KIF3B: variants seen among roughly 807,000 people sequenced by gnomAD.
The protein encoded by KIF3B is kinesin family member 3B, also known as kinesin-like protein KIF3B.
KIF3B carries 38 observed loss-of-function variants against 74.3 expected under a neutral mutation model. That is an observed-to-expected ratio of 0.51 (90% CI 0.39 to 0.67). The LOEUF (loss-of-function observed/expected upper bound fraction) is 0.67. Among genes scored for constraint, KIF3B ranks in the 30% least tolerant of loss-of-function variants. The probability of loss-of-function intolerance (pLI) is 0.00; values close to 1 mark genes in which losing one functional copy is unlikely to be tolerated. For missense variants in KIF3B, 649 were observed against 932.0 expected, an observed-to-expected ratio of 0.70 and a Z score of 3.95; for synonymous variants, 326 against 342.5, an observed-to-expected ratio of 0.95 and a Z score of 0.53.
chr20:32,283,077 C>G (rs1226670615), intron 1 of KIF3B, among the ~76,000 whole-genome samples: 1 of 151,998 alleles, frequency 6.6e-6, no homozygotes, highest in Non-Finnish European at 1.5e-5. Context: ...CCTCTGTCAC[C>G]CAGGTTGGAA....
At position 32,308,961 on chromosome 20, in the gene KIF3B, C is replaced by T. The variant is rs528388970; in HGVS notation, c.-65-752C>T. On this transcript the variant is annotated intron_variant, in intron 1 of 8. Transcript: ENST00000375712. Reference sequence around the variant, plus strand: ...CGATCTCCTGACCTCGTGATCCACCCGCCTCGGCCTCCCAAAGTGCTGGGA... The same window carrying T: ...CGATCTCCTGACCTCGTGATCCACCTGCCTCGGCCTCCCAAAGTGCTGGGA... Among the ~76,000 whole-genome samples, 9 of 151,900 alleles carry T rather than the reference C, an allele frequency of 5.9e-5. No individual in the cohort carries two copies. The South Asian group carries it at 6.2e-4, about 11-fold the overall frequency.
At chr20:32,305,567 C>A (rs1468655051) in intron 1 of KIF3B, among the ~76,000 whole-genome samples, 3 of 147,228 alleles carry the variant, frequency 2.0e-5, no homozygotes, top group Non-Finnish European at 4.5e-5. Context: ...AACACTCCCC[C>A]ACCTTTTTTT....
At chr20:32,292,490 C>T (rs1401451702) in intron 1 of KIF3B, among the ~76,000 whole-genome samples, 1 of 149,414 alleles carries the variant, frequency 6.7e-6, no homozygotes, top group African/African-American at 2.5e-5. Context: ...GTAATCCTAG[C>T]ACTTTGGGAG....
intron 1 of KIF3B, among the ~76,000 whole-genome samples, chr20:32,280,672 G>A (rs1190672654): frequency 2.3e-5 from 3 of 128,122 alleles, no homozygotes; most frequent in South Asian, 2.4e-4. Flanking sequence ...CCAAGATTGC[G>A]CCACTGCACT....
At chr20:32,281,608 T>G (rs2047643259) in intron 1 of KIF3B, among the ~76,000 whole-genome samples, 1 of 152,116 alleles carries the variant, frequency 6.6e-6, no homozygotes, top group Non-Finnish European at 1.5e-5. Flanking sequence ...TCCCAGCTAT[T>G]CAGGAGGCTG....
intron 5 of KIF3B, among the ~76,000 whole-genome samples, chr20:32,323,333 A>G (rs1319407260): frequency 6.6e-6 from 1 of 150,706 alleles, no homozygotes; most frequent in East Asian, 1.9e-4. Flanking sequence ...TTAGGACTAC[A>G]TGTTACATTT....
intron 1 of KIF3B, among the ~76,000 whole-genome samples, chr20:32,279,833 G>A (rs1053424378): frequency 2.6e-5 from 4 of 152,198 alleles, no homozygotes; most frequent in Non-Finnish European, 5.9e-5. Context: ...GAGGGGACTA[G>A]GCTAGATTAT....
intron 2 of KIF3B, 101 bp downstream of exon 2, chr20:32,311,282 C>T: frequency 3.0e-6 from 4 of 1,331,918 alleles, no homozygotes; most frequent in South Asian, 3.2e-5. Context: ...TGATGTCTCT[C>T]ATCAGTTTTG....
intron 8 of KIF3B, 94 bp downstream of exon 8, chr20:32,330,413 G>A: frequency 2.7e-6 from 3 of 1,105,980 alleles, no homozygotes; most frequent in Non-Finnish European, 2.6e-6. Flanking sequence ...ATACTTTGCA[G>A]AACACACTAG....
chr20:32,329,223 A>G (rs1479158655), intron 7 of KIF3B, among the ~76,000 whole-genome samples: 1 of 152,082 alleles, frequency 6.6e-6, no homozygotes, highest in Non-Finnish European at 1.5e-5. Flanking sequence ...TTGTATATTT[A>G]GTAGAGACGG....
At chr20:32,330,067 G>C in intron 7 of KIF3B, 74 bp from the exon 8 acceptor site, 1 of 1,337,396 alleles carries the variant, frequency 7.5e-7, no homozygotes, top group Non-Finnish European at 1.0e-6. Flanking sequence ...TATTCTTGGA[G>C]GGGCCCTCGA....
At chr20:32,318,126 AC>A (rs1289631115) in intron 5 of KIF3B, among the ~76,000 whole-genome samples, 1 of 151,980 alleles carries the variant, frequency 6.6e-6, no homozygotes, top group Admixed American at 6.6e-5. Flanking sequence ...ACATGGTGAA[AC>A]CCCGTCTCTA....
At chr20:32,304,687 G>C (rs762605333) in intron 1 of KIF3B, among the ~76,000 whole-genome samples, 22 of 152,158 alleles carry the variant, frequency 1.4e-4, no homozygotes, top group Middle Eastern at 3.2e-3. Flanking sequence ...TGTGTAAAAA[G>C]GGAGAGGATA....
chr20:32,296,118 C>A (rs1162135468), intron 1 of KIF3B, among the ~76,000 whole-genome samples: 1 of 151,836 alleles, frequency 6.6e-6, no homozygotes, highest in Admixed American at 6.6e-5. Context: ...CCGCCTCGGC[C>A]TCCCAAAGTG....
At chr20:32,326,659 G>GT (rs1205129437) in intron 5 of KIF3B, 112 bp from the exon 6 acceptor site, 12 of 635,536 alleles carry the variant, frequency 1.9e-5, no homozygotes, top group Non-Finnish European at 3.4e-5. Flanking sequence ...CTGAGTAAAT[G>GT]TTTGCTATGT....
Position 32,331,269 on chromosome 20 carries a change from A to T in KIF3B, c.2194A>T (p.Thr732Ser). The change falls in exon 9 of 9, where the codon ACC becomes TCC. Residue 732 changes from threonine (T) to serine (S), a missense_variant. Thr to Ser is a moderately conservative substitution (Grantham distance 58). Transcript: ENST00000375712. ...KSGSSSSSSG[T>S]PASQLYPQSR... ...GGGATCCTCCTCCTCTTCCTCAGGA[A>T]CCCCTGCATCTCAGCTTTATCCACA... is the stretch of plus-strand genomic sequence containing the variant. 6.2e-7 allele frequency: 1 copy of T among 1,612,672 alleles called. No individual in the cohort carries two copies. The highest frequency in any genetic ancestry group is 1.1e-5 in the South Asian group (1 of 90,910).
intron 7 of KIF3B, among the ~76,000 whole-genome samples, chr20:32,328,776 C>T (rs942251870): frequency 6.6e-5 from 10 of 152,106 alleles, no homozygotes; most frequent in African/African-American, 2.4e-4. Context: ...ACTTCAGGTA[C>T]TTTCATCTCA....
chr20:32,289,069 T>A (rs1569188749), intron 1 of KIF3B, among the ~76,000 whole-genome samples: 1 of 151,988 alleles, frequency 6.6e-6, no homozygotes, highest in African/African-American at 2.4e-5. Flanking sequence ...AGGAGGAGAG[T>A]TTGGGTAACA....
Position 32,331,396 on chromosome 20 carries a change from G to A in KIF3B, c.*77G>A, listed in dbSNP as rs41288642. 3 of 1,203,872 alleles carry A rather than the reference G, an allele frequency of 2.5e-6. No homozygotes were observed. In the African/African-American group the frequency reaches 4.6e-5, roughly 18 times the overall value. 74.6% of individuals were successfully genotyped at this position (1,203,872 alleles called of 1,614,324 possible). On this transcript the variant is annotated 3_prime_UTR_variant, in exon 9 of 9. Transcript: ENST00000375712. ...GAGACTAGCAAAAAGCTGCAGAGAG[G>A]ATTCGGCCCAAACTCAGAACTGTTC...
Sources: allele counts gnomAD v4.1 joint callset (sites outside exome capture counted in the v4.1 genomes callset), GRCh38; gene constraint gnomAD v4.1.1; transcripts MANE v1.5; gene names NCBI Gene and HGNC (gene_info 2026-07-23, HGNC 2026-07-21).